The following ARHGAP22 variants were observed in gnomAD, a reference collection of about 807,000 sequenced individuals.
ARHGAP22 encodes rho GTPase-activating protein 22.
Under a neutral mutation model 59.1 loss-of-function variants are expected in ARHGAP22, and 48 were observed. That is an observed-to-expected ratio of 0.81 (90% CI 0.64 to 1.03). The LOEUF (loss-of-function observed/expected upper bound fraction) is 1.03, where lower values mean the gene tolerates loss of function less well. ARHGAP22 is among the 50% of genes least tolerant of loss of function. The pLI is 0.00. For missense variants in ARHGAP22, 1,015 were observed against 958.7 expected, an observed-to-expected ratio of 1.06 and a Z score of -0.78; for synonymous variants, 445 against 416.4, an observed-to-expected ratio of 1.07 and a Z score of -0.84.
intron 3 of ARHGAP22, among the ~76,000 whole-genome samples, chr10:48,510,363 C>T (rs909572185): frequency 3.3e-5 from 5 of 152,206 alleles, no homozygotes; most frequent in Admixed American, 1.3e-4. Context: ...CTGGGGCCTG[C>T]GGCAAAGTAG....
At chr10:48,505,898 C>T (rs542175397) in intron 3 of ARHGAP22, among the ~76,000 whole-genome samples, 8 of 152,328 alleles carry the variant, frequency 5.3e-5, no homozygotes, top group African/African-American at 1.7e-4. Flanking sequence ...TCTCCACACC[C>T]GTGTTCTACC....
At chr10:48,472,411 C>A (rs1163170918) in intron 4 of ARHGAP22, among the ~76,000 whole-genome samples, 14 of 152,128 alleles carry the variant, frequency 9.2e-5, no homozygotes, top group Non-Finnish European at 1.9e-4. Context: ...GTAATCCCAG[C>A]TACTCAGGAG....
At chr10:48,582,724 A>G (rs984268819) in intron 2 of ARHGAP22, 1 of 587,006 alleles carries the variant, frequency 1.7e-6, no homozygotes, top group Non-Finnish European at 3.0e-6. Context: ...CTCTATCAAC[A>G]TTTTAAGGAA....
intron 1 of ARHGAP22, among the ~76,000 whole-genome samples, chr10:48,593,078 A>C (rs879631735): frequency 9.2e-5 from 14 of 152,160 alleles, no homozygotes; most frequent in Non-Finnish European, 5.9e-5. Flanking sequence ...ACATGTGCCC[A>C]GCATCTGGCT....
chr10:48,446,426 T>A lies in ARHGAP22; in HGVS notation c.2062A>T (p.Thr688Ser), dbSNP rs1369383413. ...GCCCTGGCACCTTTTGCCCCAACAG[T>A]CAAGCTTCCTAGGGTCGAAAAAAAC... ...EEFFSTLGSLTVGAKGARAPK is the reference protein window; with the variant it reads ...EEFFSTLGSLSVGAKGARAPK The change falls in exon 10 of 10, where the codon ACT becomes TCT. Residue 688 changes from threonine to serine, a missense_variant. Thr to Ser is a moderately conservative substitution (Grantham distance 58, BLOSUM62 1). Transcript: ENST00000249601. 6.2e-6 allele frequency: 10 copies of A among 1,614,038 alleles called. No homozygotes were observed. Among genetic ancestry groups the A allele is most frequent in the Non-Finnish European group, 6.8e-6 (8 of 1,180,016 alleles).
rs528679518 is a variant in ARHGAP22, at chr10:48,495,792, C to T, written c.323-16028G>A. Reference sequence around the variant, plus strand: ...GAGACAGTGGCTTCCCTCTCACATTCCCTCGCTTGTTCTCTGGCTTGCTGG... The same window carrying T: ...GAGACAGTGGCTTCCCTCTCACATTTCCTCGCTTGTTCTCTGGCTTGCTGG... On this transcript the variant is annotated intron_variant, in intron 3 of 9. Coordinates refer to ENST00000249601, the MANE Select transcript of ARHGAP22 (RefSeq NM_021226.4). 4.6e-5 allele frequency among the ~76,000 whole-genome samples: 7 copies of T among 152,374 alleles called. No homozygotes were observed. In the South Asian group the frequency reaches 1.4e-3, roughly 32 times the overall value.
At chr10:48,489,052 C>T (rs749269682) in intron 3 of ARHGAP22, among the ~76,000 whole-genome samples, 4 of 152,180 alleles carry the variant, frequency 2.6e-5, no homozygotes, top group African/African-American at 4.8e-5. Flanking sequence ...CCTTCCCTAA[C>T]GTATTTTGAA....
chr10:48,490,661 G>A (rs2050299914), intron 3 of ARHGAP22, among the ~76,000 whole-genome samples: 1 of 152,204 alleles, frequency 6.6e-6, no homozygotes, highest in African/African-American at 2.4e-5. Context: ...AAGGCAGGAT[G>A]TTGGGAGCCC....
chr10:48,637,244 G>A (rs1025133411), intron 1 of ARHGAP22, among the ~76,000 whole-genome samples: 1 of 152,232 alleles, frequency 6.6e-6, no homozygotes, highest in Non-Finnish European at 1.5e-5. Context: ...GTAGAAAGGA[G>A]CCATGAATTA....
At chr10:48,468,560 C>G (rs2047933691) in intron 4 of ARHGAP22, among the ~76,000 whole-genome samples, 1 of 152,212 alleles carries the variant, frequency 6.6e-6, no homozygotes, top group Non-Finnish European at 1.5e-5. Context: ...CCTTAGAAGA[C>G]TGGTTATGAC....
rs1407279998 is a variant in ARHGAP22 at position 48,643,560 on chromosome 10, A to T, written c.52+8674T>A. On this transcript the variant is annotated intron_variant, in intron 1 of 9. Coordinates refer to the ARHGAP22 transcript ENST00000435790. The stretch of plus-strand genomic sequence containing the variant: ...TAGGTCGGAATTGAACAATGAGAAC[A>T]TTTGGACACACGAAGGGGAACATCA... Among the ~76,000 whole-genome samples, 4 of 148,220 alleles carry T rather than the reference A, an allele frequency of 2.7e-5. No homozygotes were observed. In the East Asian group the frequency reaches 8.3e-4, roughly 31 times the overall value.
At chr10:48,451,444 G>A (rs376521601) in intron 8 of ARHGAP22, 1 of 702,864 alleles carries the variant, frequency 1.4e-6, no homozygotes, top group Non-Finnish European at 2.6e-6. Context: ...CACCAAGGCT[G>A]CACGGTGAGC....
chr10:48,474,628 A>T (rs954498097), intron 4 of ARHGAP22, among the ~76,000 whole-genome samples: 3 of 152,058 alleles, frequency 2.0e-5, no homozygotes, highest in African/African-American at 7.3e-5. Context: ...GATAGAATAG[A>T]AGTTCACTTC....
intron 3 of ARHGAP22, among the ~76,000 whole-genome samples, chr10:48,545,801 G>A (rs776036316): frequency 5.3e-5 from 8 of 152,194 alleles, no homozygotes; most frequent in Non-Finnish European, 1.0e-4. Flanking sequence ...GCCTGAGGGC[G>A]ACTTCAATGA....
chr10:48,440,324 T>C, the ARHGAP22 span, among the ~76,000 whole-genome samples: 1 of 152,244 alleles, frequency 6.6e-6, no homozygotes, highest in South Asian at 2.1e-4. Flanking sequence ...GTCTAACATG[T>C]ACTTTACTTA....
chr10:48,461,033 T>C (rs2047087042), intron 4 of ARHGAP22, among the ~76,000 whole-genome samples: 1 of 152,182 alleles, frequency 6.6e-6, no homozygotes. Context: ...CTTTGCAAGA[T>C]GGAAAGTGTT....
intron 5 of ARHGAP22, among the ~76,000 whole-genome samples, chr10:48,456,709 G>A (rs1320162516): frequency 2.0e-5 from 3 of 152,062 alleles, no homozygotes; most frequent in African/African-American, 7.2e-5. Flanking sequence ...CCCCTCCTCT[G>A]CAGACCTGCC....
rs60902650 is a variant in ARHGAP22 at position 48,530,236 on chromosome 10, C to CAAAAAAAAAA, written c.322+25217_322+25226dup. On this transcript the variant is annotated intron_variant, in intron 3 of 9. Transcript: ENST00000249601. ...TGGGAGGCAGAGTGAGACTCCATTG[C>CAAAAAAAAAA]AAAAAAAAAAAAAAAAAAAAAAAAA... 4.7e-4 allele frequency among the ~76,000 whole-genome samples: 23 copies of CAAAAAAAAAA among 49,038 alleles called. 1 individual carries two copies. The highest frequency in any genetic ancestry group is 3.2e-3 in the East Asian group (4 of 1,242). The allele number at this position is 49,038 out of a possible 152,430, so 32.2% of individuals were successfully genotyped here.
At chr10:48,517,455 C>T (rs999270220) in intron 3 of ARHGAP22, among the ~76,000 whole-genome samples, 1 of 152,116 alleles carries the variant, frequency 6.6e-6, no homozygotes, top group Admixed American at 6.5e-5. Flanking sequence ...AGGAGGGTCC[C>T]CTACAGGTAC....
Sources: gnomAD v4.1 joint callset for allele counts (sites outside exome capture counted in the v4.1 genomes callset) on GRCh38, gnomAD v4.1.1 for gene constraint, MANE v1.5 for transcripts, NCBI Gene and HGNC (gene_info 2026-07-23, HGNC 2026-07-21) for gene names.